Variants in ZNF777 observed in about 807,000 individuals in gnomAD.
The protein encoded by ZNF777 is zinc finger protein 777.
Under a neutral mutation model 72.1 loss-of-function variants are expected in ZNF777, and 7 were observed. The ratio of observed to expected loss-of-function variants is 0.10; its 90% CI spans 0.06 to 0.18. ZNF777 has a LOEUF of 0.18. Ranked by LOEUF, ZNF777 falls within the 10% of genes least tolerant of loss-of-function variation. The pLI, the probability that ZNF777 is intolerant of heterozygous loss-of-function variation, is 1.00. For missense variants in ZNF777, 828 were observed against 1,128.6 expected (o/e 0.73, Z 3.82); for synonymous variants, 545 against 483.5 (o/e 1.13, Z -1.67).
chr7:149,451,360 G>A (rs558535127), intron 3 of ZNF777, among the ~76,000 whole-genome samples: 15 of 152,052 alleles, frequency 9.9e-5, no homozygotes, highest in Non-Finnish European at 1.8e-4. Flanking sequence ...AGGTTTTCAT[G>A]ATAAAGGCAG....
At chr7:149,456,332 G>A (rs1419080021) in intron 1 of ZNF777, among the ~76,000 whole-genome samples, 1 of 152,148 alleles carries the variant, frequency 6.6e-6, no homozygotes, top group African/African-American at 2.4e-5. Context: ...TGGGAGAGCG[G>A]AAGGGTGCTG....
Position 149,455,053 on chromosome 7 carries a change from G to T in ZNF777, c.846+124C>A. ...AATAATTTGATTTTGGCATGTCCTA[G>T]CAACTGGGATCACTGTATTTTTTCC... On this transcript the variant is annotated intron_variant, in intron 2 of 5. Transcript: ENST00000247930. The surrounding 1 kb of genome is among the most constrained non-coding windows in gnomAD (Gnocchi z 4.2). The T allele has an allele frequency of 8.1e-7, 1 of 1,234,272 alleles. No homozygotes were observed. 76.5% of individuals were successfully genotyped at this position (1,234,272 alleles called of 1,614,324 possible). A position where few individuals can be genotyped will look rare whatever the true frequency, so the allele number is the denominator to read the frequency against.
chr7:149,436,064 C>A lies in ZNF777; in HGVS notation c.1339+511G>T, dbSNP rs929778198. Among the ~76,000 whole-genome samples the A allele has an allele frequency of 6.6e-6, 1 of 152,148 alleles. No homozygotes were observed. The highest frequency in any genetic ancestry group is 1.5e-5 in the Non-Finnish European group (1 of 68,028). ...CCCAGTGCCTTACTGTTCTTGAACT[C>A]AGAAGGAGCAAGAGTGAGCAGCATG... On this transcript the variant is annotated intron_variant, in intron 5 of 5. Coordinates refer to ENST00000247930, the MANE Select transcript of ZNF777 (RefSeq NM_015694.3). This position sits in a 1 kb window ranked among gnomAD's most constrained non-coding sequence, Gnocchi z 5.0.
At chr7:149,438,148 G>A (rs1057139469) in intron 4 of ZNF777, among the ~76,000 whole-genome samples, 1 of 151,896 alleles carries the variant, frequency 6.6e-6, no homozygotes, top group Admixed American at 6.6e-5. Flanking sequence ...CAAAGTGCTG[G>A]GATTACAGGC....
chr7:149,432,696 G>A lies in ZNF777; in HGVS notation c.1576C>T (p.Leu526=), dbSNP rs1011138416. 11 of 1,612,856 alleles carry A rather than the reference G, an allele frequency of 6.8e-6. No homozygotes were observed. The Admixed American group carries it at 1.5e-4, about 22-fold the overall frequency. ...LAPSVHGERH[L]SENRGASSQQ... Reference sequence around the variant, plus strand: ...CTCGAGGCCCCGCGGTTCTCGCTCAGGTGCCGCTCACCGTGCACGGAGGGC... The same window carrying A: ...CTCGAGGCCCCGCGGTTCTCGCTCAAGTGCCGCTCACCGTGCACGGAGGGC... Residue 526 remains leucine (L), a synonymous_variant, in exon 6 of 6, where the codon CTG becomes TTG. Transcript: ENST00000247930.
At position 149,431,673 on chromosome 7, in the gene ZNF777, G is replaced by A. The variant is rs1490314024; in HGVS notation, c.*103C>T. 2.5e-5 allele frequency: 28 copies of A among 1,098,694 alleles called. No individual in the cohort carries two copies. Among genetic ancestry groups the A allele is most frequent in the Non-Finnish European group, 2.7e-5 (24 of 875,982 alleles). 68.1% of individuals were successfully genotyped at this position (1,098,694 alleles called of 1,614,324 possible). On this transcript the variant is annotated 3_prime_UTR_variant, in exon 6 of 6. Transcript: ENST00000247930. The stretch of plus-strand genomic sequence containing the variant: ...GAGAGGGGGAGCTCACGGCAAAGGG[G>A]CTGGGGGGCGCCCCGCCCCCGCCCG...
In ZNF777 at chr7:149,431,685, C is replaced by G. The variant is rs1799308524; in HGVS notation, c.*91G>C. The G allele has an allele frequency of 8.8e-7, 1 of 1,133,928 alleles. No homozygotes were observed. The highest frequency in any genetic ancestry group is 9.7e-5 in the East Asian group (1 of 10,264). The allele number at this position is 1,133,928 out of a possible 1,614,324, so 70.2% of individuals were successfully genotyped here. On this transcript the variant is annotated 3_prime_UTR_variant, in exon 6 of 6. Transcript: ENST00000247930. Reference sequence around the variant, plus strand: ...TCACGGCAAAGGGGCTGGGGGGCGCCCCGCCCCCGCCCGCTGGGCTCGGGC... The same window carrying G: ...TCACGGCAAAGGGGCTGGGGGGCGCGCCGCCCCCGCCCGCTGGGCTCGGGC...
chr7:149,459,973 C>A, intron 1 of ZNF777: 1 of 931,922 alleles, frequency 1.1e-6, no homozygotes, highest in South Asian at 4.9e-5. Flanking sequence ...GACGCGCGGG[C>A]CCCCTCCAGG....
intron 3 of ZNF777, among the ~76,000 whole-genome samples, chr7:149,451,489 G>A (rs183496607): frequency 1.1e-3 from 164 of 152,210 alleles, no homozygotes; most frequent in Non-Finnish European, 2.0e-3. Flanking sequence ...TCAGGAGTTC[G>A]GGACCAGCCT....
Position 149,460,187 on chromosome 7 carries a change from G to GCTACTGCCGCCGCCA in ZNF777, c.-16+627_-16+628insTGGCGGCGGCAGTAG. On this transcript the variant is annotated intron_variant, in intron 1 of 5. Coordinates refer to ENST00000247930, the MANE Select transcript of ZNF777 (RefSeq NM_015694.3). This position sits in a 1 kb window ranked among gnomAD's most constrained non-coding sequence, Gnocchi z 6.1. ...GGCCCGGGCCCCCGGAGTCGCCGCC[G>GCTACTGCCGCCGCCA]CTACTGCCGCCGCCGCTACTGCGCG... 1.3e-6 allele frequency: 1 copy of GCTACTGCCGCCGCCA among 798,778 alleles called. No homozygotes were observed. The highest frequency in any genetic ancestry group is 1.5e-6 in the Non-Finnish European group (1 of 662,086). The allele number at this position is 798,778 out of a possible 1,614,324, so 49.5% of individuals were successfully genotyped here. A position where few individuals can be genotyped will look rare whatever the true frequency, so the allele number is the denominator to read the frequency against.
intron 4 of ZNF777, among the ~76,000 whole-genome samples, chr7:149,444,445 G>A (rs1799572121): frequency 6.6e-6 from 1 of 152,148 alleles, no homozygotes; most frequent in Admixed American, 6.5e-5. Flanking sequence ...CTGCCTCTAG[G>A]TGCACAGCTG....
In ZNF777 at chr7:149,432,834, C is replaced by T. The variant is rs748076861; in HGVS notation, c.1438G>A (p.Gly480Arg). 3.1e-6 allele frequency: 5 copies of T among 1,593,852 alleles called. No individual in the cohort carries two copies. The highest frequency in any genetic ancestry group is 3.4e-5 in the Admixed American group (2 of 58,004). Residue 480 changes from glycine (G) to arginine (R), a missense_variant, in exon 6 of 6, where the codon GGG becomes AGG. Gly to Arg is a moderately radical substitution (Grantham distance 125). This residue lies in a region of ZNF777 where 219 missense variants were observed against 223.0 expected (regional missense o/e 0.98). Transcript: ENST00000247930. ...QHLQSLGQLS[G>R]RYEASMYQTP... Reference sequence around the variant, plus strand: ...TGGTACATACTGGCCTCATATCTCCCGGACAGCTGCCCAAGGGATTGCAAG... The same window carrying T: ...TGGTACATACTGGCCTCATATCTCCTGGACAGCTGCCCAAGGGATTGCAAG...
In ZNF777 at chr7:149,431,842, G is replaced by A; in HGVS notation, c.2430C>T (p.His810=). 1 of 1,604,280 alleles carries A rather than the reference G, an allele frequency of 6.2e-7. No individual in the cohort carries two copies. Among genetic ancestry groups the A allele is most frequent in the South Asian group, 1.1e-5 (1 of 90,994 alleles). The change falls in exon 6 of 6, where the codon CAC becomes CAT. Residue 810 remains histidine, a synonymous_variant. Coordinates refer to ENST00000247930, the MANE Select transcript of ZNF777 (RefSeq NM_015694.3). ...HTGERPYPCT[H]CAKCFRYKQS... ...GCTTGTAGCGGAAGCACTTGGCGCA[G>A]TGCGTGCAGGGGTAGGGCCGCTCGC...
intron 1 of ZNF777, among the ~76,000 whole-genome samples, chr7:149,458,426 A>T (rs533106864): frequency 3.3e-5 from 5 of 152,112 alleles, no homozygotes; most frequent in South Asian, 4.1e-4. Flanking sequence ...GCCTAGCACT[A>T]GAAAGAAGAA....
rs1221274680 is a variant in ZNF777 at position 149,436,115 on chromosome 7, A to AAAT, written c.1339+457_1339+459dup. On this transcript the variant is annotated intron_variant, in intron 5 of 5. Transcript: ENST00000247930. This position sits in a 1 kb window ranked among gnomAD's most constrained non-coding sequence, Gnocchi z 5.0. Reference sequence around the variant, plus strand: ...GTGATAAAGTTTTATAATTAAACAAAAATGAAGACTAGGTTCGACCACAGA... The same window carrying AAAT: ...GTGATAAAGTTTTATAATTAAACAAAAATAATGAAGACTAGGTTCGACCACAGA... Among the ~76,000 whole-genome samples the AAAT allele has an allele frequency of 6.6e-6, 1 of 152,226 alleles. No individual in the cohort carries two copies. The highest frequency in any genetic ancestry group is 6.5e-5 in the Admixed American group (1 of 15,284).
rs56783099 is a variant in ZNF777 at position 149,453,936 on chromosome 7, G to A, written c.973+175C>T. Among the ~76,000 whole-genome samples the A allele has an allele frequency of 0.01, 1,557 of 152,320 alleles. 58 individuals carry two copies. In the East Asian group the frequency reaches 0.14, roughly 13 times the overall value. On this transcript the variant is annotated intron_variant, in intron 3 of 5. Transcript: ENST00000247930. ...TTTACAAGCCATTCTGGCCTGGGCC[G>A]CACTGATGTGTGTGGGTATATGAGG...
intron 1 of ZNF777, among the ~76,000 whole-genome samples, chr7:149,456,883 G>T (rs917242578): frequency 1.3e-5 from 2 of 152,186 alleles, no homozygotes; most frequent in Non-Finnish European, 2.9e-5. Flanking sequence ...GGGTATTCTG[G>T]CCTGGCTTCT....
At chr7:149,440,546 C>A (rs921198640) in intron 4 of ZNF777, among the ~76,000 whole-genome samples, 1 of 151,634 alleles carries the variant, frequency 6.6e-6, no homozygotes, top group East Asian at 1.9e-4. Context: ...TTTGTAGAGA[C>A]GAGGTCTCCC....
At chr7:149,459,782 G>A (rs2116614737) in intron 1 of ZNF777, 2 of 984,852 alleles carry the variant, frequency 2.0e-6, no homozygotes, top group South Asian at 4.7e-5. Flanking sequence ...CCGCGGGGCC[G>A]AGCTCTGCGG....
Sources: gnomAD v4.1 joint callset for allele counts (sites outside exome capture counted in the v4.1 genomes callset) on GRCh38, gnomAD v4.1.1 for gene constraint, gnomAD v4.1.1 regional missense constraint, Gnocchi (gnomAD v3.1) non-coding constraint, MANE v1.5 for transcripts, NCBI Gene and HGNC (gene_info 2026-07-23, HGNC 2026-07-21) for gene names.